The following DSCAM variants were observed in gnomAD, a reference collection of about 807,000 sequenced individuals.
DSCAM encodes the protein DS cell adhesion molecule.
Under a neutral mutation model 217.7 loss-of-function variants are expected in DSCAM, and 47 were observed. That is an observed-to-expected ratio of 0.22 (90% CI 0.17 to 0.28). The LOEUF is 0.28. Ranked by LOEUF, DSCAM falls within the 10% of genes least tolerant of loss-of-function variation. The pLI, the probability that DSCAM is intolerant of heterozygous loss-of-function variation, is 1.00. For missense variants in DSCAM, 2,080 were observed against 2,618.3 expected, an observed-to-expected ratio of 0.79 and a Z score of 4.49; for synonymous variants, 1,056 against 1,015.3, an observed-to-expected ratio of 1.04 and a Z score of -0.76.
intron 3 of DSCAM, among the ~76,000 whole-genome samples, chr21:40,499,234 A>G (rs2076153247): frequency 6.6e-6 from 1 of 152,220 alleles, no homozygotes; most frequent in Non-Finnish European, 1.5e-5. Context: ...ATACCACAAT[A>G]GAGTAAAACA....
intron 3 of DSCAM, among the ~76,000 whole-genome samples, chr21:40,575,133 A>C (rs374081678): frequency 2.0e-5 from 3 of 152,134 alleles, no homozygotes; most frequent in African/African-American, 7.2e-5. Context: ...CCTTGCCTTA[A>C]CTGATGACAT....
chr21:40,186,591 C>T (rs1284246732), intron 14 of DSCAM, among the ~76,000 whole-genome samples: 2 of 152,146 alleles, frequency 1.3e-5, no homozygotes, highest in Non-Finnish European at 2.9e-5. Context: ...CCGAGTGGTC[C>T]TGGGTGCAGC....
At chr21:40,013,601 A>G (rs1331482832) in intron 32 of DSCAM, among the ~76,000 whole-genome samples, 1 of 152,160 alleles carries the variant, frequency 6.6e-6, no homozygotes, top group Non-Finnish European at 1.5e-5. Context: ...TCATTTTCCT[A>G]CAGTACTTAC....
At chr21:40,106,066 C>T (rs1287701146) in intron 20 of DSCAM, among the ~76,000 whole-genome samples, 1 of 152,192 alleles carries the variant, frequency 6.6e-6, no homozygotes, top group Non-Finnish European at 1.5e-5. Context: ...CACAGTTCCA[C>T]ATGGCTGGGG....
chr21:40,396,841 C>T (rs1052302433), intron 3 of DSCAM, among the ~76,000 whole-genome samples: 6 of 152,158 alleles, frequency 3.9e-5, no homozygotes, highest in African/African-American at 1.4e-4. Flanking sequence ...AGTCTTACAA[C>T]TTGACAAAAT....
At chr21:40,647,269 C>T (rs1221138956) in intron 3 of DSCAM, among the ~76,000 whole-genome samples, 1 of 152,146 alleles carries the variant, frequency 6.6e-6, no homozygotes, top group African/African-American at 2.4e-5. Context: ...GCCTTAGTTC[C>T]TGTGTGGGTG....
chr21:40,782,896 T>C (rs1389783550), intron 1 of DSCAM, among the ~76,000 whole-genome samples: 1 of 152,212 alleles, frequency 6.6e-6, no homozygotes, highest in Non-Finnish European at 1.5e-5. Context: ...TAGTTGAGAA[T>C]TCAGGTGGGT....
chr21:40,042,285 T>C, intron 32 of DSCAM, 86 bp downstream of exon 32: 1 of 1,470,520 alleles, frequency 6.8e-7, no homozygotes. Flanking sequence ...GTCTGAACAC[T>C]GAGAAGGGCT....
chr21:40,367,524 A>G (rs941182430), intron 4 of DSCAM, among the ~76,000 whole-genome samples: 1 of 152,218 alleles, frequency 6.6e-6, no homozygotes, highest in Admixed American at 6.5e-5. Flanking sequence ...TCAAAGCTTG[A>G]CATGTTAGAA....
intron 3 of DSCAM, among the ~76,000 whole-genome samples, chr21:40,387,176 A>T (rs572313524): frequency 1.3e-5 from 2 of 152,130 alleles, no homozygotes; most frequent in Non-Finnish European, 2.9e-5. Flanking sequence ...ATAAAGGAAG[A>T]GGGGGGGTGA....
chr21:40,284,001 T>C (rs773273838), intron 10 of DSCAM, among the ~76,000 whole-genome samples: 1 of 152,166 alleles, frequency 6.6e-6, no homozygotes, highest in African/African-American at 2.4e-5. Context: ...ATCCCTTTCA[T>C]CCTTATGGAG....
intron 1 of DSCAM, among the ~76,000 whole-genome samples, chr21:40,798,940 C>T (rs898479109): frequency 6.6e-6 from 1 of 151,986 alleles, no homozygotes; most frequent in Admixed American, 6.5e-5. Context: ...AGGAAAATTC[C>T]ATTCCCAATG....
chr21:40,772,070 CATA>C (rs139947850), intron 1 of DSCAM, among the ~76,000 whole-genome samples: 10,468 of 152,260 alleles, frequency 0.069, 503 homozygotes, highest in Middle Eastern at 0.18. Flanking sequence ...ACAGAATTTT[CATA>C]ATAAGGGCTG....
At chr21:40,064,585 A>T (rs1291293700) in intron 27 of DSCAM, among the ~76,000 whole-genome samples, 1 of 152,180 alleles carries the variant, frequency 6.6e-6, no homozygotes, top group Non-Finnish European at 1.5e-5. Context: ...TCTAGATGCC[A>T]AGGGTTGACC....
chr21:40,742,880 C>A (rs574886955), intron 1 of DSCAM, among the ~76,000 whole-genome samples: 3 of 152,060 alleles, frequency 2.0e-5, no homozygotes, highest in Non-Finnish European at 4.4e-5. Flanking sequence ...ACATTTTCAT[C>A]ATTATTTTTA....
At chr21:40,170,224 G>A (rs1313841515) in intron 15 of DSCAM, among the ~76,000 whole-genome samples, 3 of 152,118 alleles carry the variant, frequency 2.0e-5, no homozygotes, top group Admixed American at 6.5e-5. Context: ...TGAGCCTCCC[G>A]CTGCAGCTGA....
chr21:40,332,022 A>G (rs906934250), intron 8 of DSCAM, among the ~76,000 whole-genome samples: 1 of 152,176 alleles, frequency 6.6e-6, no homozygotes, highest in East Asian at 1.9e-4. Context: ...CAGGTGCCAC[A>G]TCGCTCCTCT....
intron 15 of DSCAM, among the ~76,000 whole-genome samples, chr21:40,178,671 T>C (rs1323905884): frequency 4.6e-5 from 7 of 152,220 alleles, no homozygotes; most frequent in East Asian, 3.9e-4. Context: ...TCTCACCAGA[T>C]TGTTAGCCTC....
At chr21:40,694,768 T>C (rs2090577560) in intron 2 of DSCAM, among the ~76,000 whole-genome samples, 3 of 151,594 alleles carry the variant, frequency 2.0e-5, no homozygotes, top group African/African-American at 7.3e-5. Flanking sequence ...ACAACATCCT[T>C]ACACCGAGAG....
Sources: allele counts gnomAD v4.1 joint callset (sites outside exome capture counted in the v4.1 genomes callset), GRCh38; gene constraint gnomAD v4.1.1; transcripts MANE v1.5; gene names NCBI Gene and HGNC (gene_info 2026-07-23, HGNC 2026-07-21).